USP25: variants seen among roughly 807,000 people sequenced by gnomAD.
USP25 encodes ubiquitin carboxyl-terminal hydrolase 25.
In USP25, 85 loss-of-function variants were observed where a neutral mutation model predicts 158.5. That is an observed-to-expected ratio of 0.54 (90% CI 0.45 to 0.64). The LOEUF is 0.64. Among genes scored for constraint, USP25 ranks in the 30% least tolerant of loss-of-function variants. USP25 has a pLI of 0.00. For synonymous variants in USP25, 464 were observed against 460.4 expected, an observed-to-expected ratio of 1.01 and a Z score of -0.10; for missense variants, 1,242 against 1,327.3, an observed-to-expected ratio of 0.94 and a Z score of 1.00.
At chr21:15,730,976 G>GT (rs748732727) in intron 1 of USP25, among the ~76,000 whole-genome samples, 4,098 of 53,660 alleles carry the variant, frequency 0.076, 572 homozygotes, top group Non-Finnish European at 0.11. Context: ...CTTCTTTTCT[G>GT]TTTTTTTTTT....
At chr21:15,842,281 A>G in intron 17 of USP25, 117 bp from the exon 18 acceptor site, 2 of 1,119,824 alleles carry the variant, frequency 1.8e-6, no homozygotes, top group East Asian at 5.2e-5. Flanking sequence ...TTTACTTTGA[A>G]TGGAAGACTA....
intron 4 of USP25, among the ~76,000 whole-genome samples, chr21:15,788,932 T>A (rs1002780857): frequency 6.6e-6 from 1 of 152,132 alleles, no homozygotes; most frequent in African/African-American, 2.4e-5. Context: ...TGTTACACTT[T>A]GTGCCTCATT....
At chr21:15,799,411 A>G (rs2036022092) in intron 5 of USP25, 1 of 161,128 alleles carries the variant, frequency 6.2e-6, no homozygotes, top group South Asian at 1.9e-4. Context: ...CATCTAGATA[A>G]TTCATGGTAA....
chr21:15,849,932 A>G, intron 20 of USP25, 60 bp downstream of exon 20: 1 of 1,263,324 alleles, frequency 7.9e-7, no homozygotes, highest in Non-Finnish European at 1.1e-6. Flanking sequence ...TTCTTAAAAT[A>G]TTTTATTTCT....
In USP25 at chr21:15,766,110, A is replaced by G. The variant is rs145018419; in HGVS notation, c.237A>G (p.Arg79=). 2.6e-4 allele frequency: 419 copies of G among 1,608,972 alleles called. No individual in the cohort carries two copies. Among genetic ancestry groups the G allele is most frequent in the Non-Finnish European group, 3.3e-4 (389 of 1,177,846 alleles). The change falls in exon 3 of 26, where the codon AGA becomes AGG. Residue 79 remains arginine (R), a synonymous_variant. Transcript: ENST00000400183. The surrounding 1 kb of genome is among the most constrained non-coding windows in gnomAD (Gnocchi z 4.0). ...YYQTALPGND[R]YISVGSQADT... ...AAACAGCACTTCCTGGCAATGATAG[A>G]TACATCAGTGTGGGAAGCCAAGCAG...
At chr21:15,828,845 G>T (rs1377357685) in intron 14 of USP25, among the ~76,000 whole-genome samples, 1 of 152,096 alleles carries the variant, frequency 6.6e-6, no homozygotes, top group Non-Finnish European at 1.5e-5. Flanking sequence ...CACCATGTTG[G>T]CCAGGGTGGT....
chr21:15,774,168 C>G (rs1349061952), intron 3 of USP25, among the ~76,000 whole-genome samples: 4 of 152,182 alleles, frequency 2.6e-5, no homozygotes, highest in Non-Finnish European at 1.5e-5. Context: ...ATGGTGGTAT[C>G]AACAACCTTT....
chr21:15,807,710 C>T (rs1008096950), intron 7 of USP25, among the ~76,000 whole-genome samples: 17 of 152,224 alleles, frequency 1.1e-4, no homozygotes, highest in African/African-American at 3.9e-4. Flanking sequence ...CTTACAAGAA[C>T]ACTCACCATT....
chr21:15,790,754 A>C (rs759071733), intron 4 of USP25, among the ~76,000 whole-genome samples: 4 of 150,332 alleles, frequency 2.7e-5, no homozygotes, highest in Non-Finnish European at 4.4e-5. Flanking sequence ...TTTTCCAGTT[A>C]TGATTATACT....
chr21:15,763,534 A>G (rs1399036106), intron 2 of USP25, among the ~76,000 whole-genome samples: 5 of 152,146 alleles, frequency 3.3e-5, no homozygotes, highest in Non-Finnish European at 7.4e-5. Flanking sequence ...CGACATCCAA[A>G]TGAGTCATAT....
chr21:15,792,351 A>AT (rs1414539768), intron 5 of USP25, among the ~76,000 whole-genome samples: 3 of 151,674 alleles, frequency 2.0e-5, no homozygotes, highest in Admixed American at 6.6e-5. Context: ...CTCGGTTGAC[A>AT]TTGATAATGT....
intron 10 of USP25, among the ~76,000 whole-genome samples, chr21:15,820,580 T>G (rs1018136314): frequency 6.6e-6 from 1 of 151,978 alleles, no homozygotes; most frequent in African/African-American, 2.4e-5. Context: ...AGGCTATAGT[T>G]TCAATAATAA....
chr21:15,862,292 A>G (rs1237187229), intron 20 of USP25, among the ~76,000 whole-genome samples: 2 of 152,086 alleles, frequency 1.3e-5, no homozygotes, highest in African/African-American at 4.8e-5. Context: ...CCAACATGAT[A>G]CTCAAAGGAA....
intron 8 of USP25, among the ~76,000 whole-genome samples, chr21:15,810,661 T>G (rs576910651): frequency 6.6e-6 from 1 of 152,250 alleles, no homozygotes; most frequent in South Asian, 2.1e-4. Context: ...CCCTCCCTGG[T>G]GAGGGTTGTT....
chr21:15,866,309 A>T lies in USP25; in HGVS notation c.2770A>T (p.Ile924Leu). The T allele has an allele frequency of 1.2e-6, 2 of 1,605,834 alleles. No individual in the cohort carries two copies. The highest frequency in any genetic ancestry group is 1.7e-4 in the Middle Eastern group (1 of 6,030). The part of the protein sequence containing the change: ...MKVAQAKLEM[I>L]KPEEVNLEEY... ...AGTTGCTCAAGCCAAACTGGAAATGATAAAACCTGAAGAAGTAAACTTGGA... is the reference window on the plus strand; with the variant it reads ...AGTTGCTCAAGCCAAACTGGAAATGTTAAAACCTGAAGAAGTAAACTTGGA... Residue 924 changes from isoleucine (I) to leucine (L), a missense_variant, in exon 22 of 26, where the codon ATA (isoleucine) becomes TTA (leucine). Ile to Leu is a conservative substitution (Grantham distance 5). Transcript: ENST00000400183.
At chr21:15,835,053 G>A (rs2037996769) in intron 17 of USP25, among the ~76,000 whole-genome samples, 1 of 152,138 alleles carries the variant, frequency 6.6e-6, no homozygotes, top group Non-Finnish European at 1.5e-5. Flanking sequence ...TCACTCCTCA[G>A]AACCTGCCCC....
rs570266751 is a variant in USP25, at chr21:15,878,995, G to A, written c.*520G>A. ...TTTGTCTGGGGATTAAGATTGGATA[G>A]TTAATAGATTAATACAATCTTTTAA... On this transcript the variant is annotated 3_prime_UTR_variant, in exon 26 of 26. Transcript: ENST00000400183. The A allele has an allele frequency of 1.2e-4, 18 of 152,596 alleles. No homozygotes were observed. The highest frequency in any genetic ancestry group is 4.3e-4 in the African/African-American group (18 of 41,534). The allele number at this position is 152,596 out of a possible 1,614,324, so 9.5% of individuals were successfully genotyped here. A position where few individuals can be genotyped will look rare whatever the true frequency, so the allele number is the denominator to read the frequency against.
At chr21:15,739,245 TA>T (rs1408305634) in intron 1 of USP25, among the ~76,000 whole-genome samples, 3 of 152,172 alleles carry the variant, frequency 2.0e-5, no homozygotes, top group Non-Finnish European at 4.4e-5. Context: ...TAACAATGAG[TA>T]TTTTTTTGTT....
intron 1 of USP25, among the ~76,000 whole-genome samples, chr21:15,734,606 A>G (rs1039520844): frequency 5.3e-5 from 8 of 152,156 alleles, no homozygotes; most frequent in Non-Finnish European, 7.4e-5. Flanking sequence ...TTATATGTAT[A>G]CAGTCCATAT....
Sources: allele counts gnomAD v4.1 joint callset (sites outside exome capture counted in the v4.1 genomes callset), GRCh38; gene constraint gnomAD v4.1.1; non-coding constraint Gnocchi (gnomAD v3.1); transcripts MANE v1.5; gene names NCBI Gene and HGNC (gene_info 2026-07-23, HGNC 2026-07-21).